Variants in TCF4 observed in about 807,000 individuals in gnomAD.
TCF4 encodes the protein SL3-3 enhancer factor 2.
TCF4 carries 3 observed loss-of-function variants against 82.1 expected under a neutral mutation model. The observed-to-expected ratio is 0.04, with a 90% confidence interval of 0.02 to 0.09. The LOEUF is 0.09. Ranked by LOEUF, TCF4 falls within the 10% of genes least tolerant of loss-of-function variation. The probability of loss-of-function intolerance (pLI) is 1.00; values close to 1 mark genes in which losing one functional copy is unlikely to be tolerated. For synonymous variants in TCF4, 276 were observed against 309.6 expected, an observed-to-expected ratio of 0.89 and a Z score of 1.14; for missense variants, 518 against 852.7, an observed-to-expected ratio of 0.61 and a Z score of 4.89.
At chr18:55,349,253 TAA>T (rs2081841358) in intron 8 of TCF4, among the ~76,000 whole-genome samples, 1 of 152,146 alleles carries the variant, frequency 6.6e-6, no homozygotes, top group Non-Finnish European at 1.5e-5. Context: ...TTTTTCCTGA[TAA>T]GACTTATTCT....
intron 6 of TCF4, among the ~76,000 whole-genome samples, chr18:55,379,856 T>G (rs942678124): frequency 5.3e-5 from 8 of 152,106 alleles, no homozygotes; most frequent in Non-Finnish European, 1.2e-4. Context: ...AATGGCTGGA[T>G]TCCAGACAAG....
chr18:55,376,507 A>G (rs1259158765), intron 6 of TCF4, among the ~76,000 whole-genome samples: 2 of 152,070 alleles, frequency 1.3e-5, no homozygotes, highest in African/African-American at 4.8e-5. Flanking sequence ...CTCCAACCCA[A>G]TTCTTCTTTT....
intron 8 of TCF4, among the ~76,000 whole-genome samples, chr18:55,303,318 T>A (rs73488999): frequency 1.7e-3 from 255 of 151,510 alleles, no homozygotes; most frequent in African/African-American, 6.1e-3. Context: ...TGAGTTTACC[T>A]GATGTAAAAT....
chr18:55,586,001 A>G, intron 2 of TCF4: 1 of 1,341,792 alleles, frequency 7.5e-7, no homozygotes, highest in Non-Finnish European at 9.7e-7. Flanking sequence ...TGCAAAAAGC[A>G]AAGGAACGAA....
At chr18:55,326,188 T>C (rs1330187328) in intron 8 of TCF4, among the ~76,000 whole-genome samples, 1 of 152,094 alleles carries the variant, frequency 6.6e-6, no homozygotes, top group Non-Finnish European at 1.5e-5. Context: ...TCTTGATGAG[T>C]AACCTTGCTG....
At chr18:55,626,224 A>G (rs1367452117) in intron 2 of TCF4, among the ~76,000 whole-genome samples, 1 of 152,216 alleles carries the variant, frequency 6.6e-6, no homozygotes, top group Non-Finnish European at 1.5e-5. Flanking sequence ...GTATTTTATC[A>G]CAACCACTAC....
At chr18:55,385,722 C>G (rs1353504319) in intron 6 of TCF4, among the ~76,000 whole-genome samples, 1 of 152,196 alleles carries the variant, frequency 6.6e-6, no homozygotes, top group African/African-American at 2.4e-5. Flanking sequence ...TAAAAGACCA[C>G]TGAAGACTAA....
At chr18:55,475,576 T>C (rs1319635465) in intron 3 of TCF4, among the ~76,000 whole-genome samples, 1 of 152,186 alleles carries the variant, frequency 6.6e-6, no homozygotes, top group Non-Finnish European at 1.5e-5. Flanking sequence ...TTGAAAAAAA[T>C]TAAAATACAA....
intron 5 of TCF4, among the ~76,000 whole-genome samples, chr18:55,459,339 T>C (rs1037521095): frequency 6.6e-6 from 1 of 152,226 alleles, no homozygotes; most frequent in Non-Finnish European, 1.5e-5. Context: ...AGAACAATCA[T>C]TTAATCTGTT....
intron 6 of TCF4, among the ~76,000 whole-genome samples, chr18:55,384,606 A>G (rs561604090): frequency 6.6e-6 from 1 of 152,370 alleles, no homozygotes; most frequent in South Asian, 2.1e-4. Flanking sequence ...ATTGATACTG[A>G]AAGAAGACAA....
At chr18:55,492,280 C>T (rs1445830068) in intron 3 of TCF4, 1 of 152,128 alleles carries the variant, frequency 6.6e-6, no homozygotes, top group Non-Finnish European at 1.5e-5. Context: ...GATTCTAGAA[C>T]CTTCTTATGT....
intron 15 of TCF4, among the ~76,000 whole-genome samples, chr18:55,243,783 G>C (rs1362061640): frequency 6.6e-6 from 1 of 152,084 alleles, no homozygotes; most frequent in Non-Finnish European, 1.5e-5. Context: ...TTTAGAGTCA[G>C]GTTGGAGAAC....
chr18:55,631,519 C>A (rs1395383204), intron 1 of TCF4: 2 of 820,652 alleles, frequency 2.4e-6, no homozygotes, highest in Non-Finnish European at 3.6e-6. Flanking sequence ...GGGATGAAGA[C>A]AAGTGCACAG....
chr18:55,474,350 G>A (rs755477366), intron 3 of TCF4, among the ~76,000 whole-genome samples: 3 of 152,110 alleles, frequency 2.0e-5, no homozygotes, highest in East Asian at 1.9e-4. Flanking sequence ...TTTGTGGTAC[G>A]AAAAAAATAT....
At chr18:55,366,310 T>C (rs985109901) in intron 6 of TCF4, among the ~76,000 whole-genome samples, 1 of 152,232 alleles carries the variant, frequency 6.6e-6, no homozygotes, top group Non-Finnish European at 1.5e-5. Context: ...AATATCTACG[T>C]ATCTATAATT....
At chr18:55,424,626 A>T (rs1231848679) in intron 5 of TCF4, among the ~76,000 whole-genome samples, 1 of 152,192 alleles carries the variant, frequency 6.6e-6, no homozygotes, top group African/African-American at 2.4e-5. Flanking sequence ...AGGATAATAC[A>T]CAGCACTGAG....
intron 15 of TCF4, among the ~76,000 whole-genome samples, chr18:55,253,080 A>G (rs2055727212): frequency 6.6e-6 from 1 of 152,210 alleles, no homozygotes; most frequent in African/African-American, 2.4e-5. Context: ...GCATTCAAAA[A>G]TATCTTTCCA....
intron 8 of TCF4, among the ~76,000 whole-genome samples, chr18:55,303,334 ATCGCTTTCCC>A (rs1013771006): frequency 6.6e-6 from 1 of 151,886 alleles, no homozygotes; most frequent in Non-Finnish European, 1.5e-5. Flanking sequence ...AAAATGCAGG[ATCGCTTTCCC>A]TCCTGAAAGT....
At chr18:55,485,209 A>T (rs1470677409) in intron 3 of TCF4, among the ~76,000 whole-genome samples, 1 of 152,172 alleles carries the variant, frequency 6.6e-6, no homozygotes, top group Non-Finnish European at 1.5e-5. Flanking sequence ...GAGGAAGGAA[A>T]CCACCAGAGA....
Sources: gnomAD v4.1 joint callset for allele counts (sites outside exome capture counted in the v4.1 genomes callset) on GRCh38, gnomAD v4.1.1 for gene constraint, MANE v1.5 for transcripts, NCBI Gene and HGNC (gene_info 2026-07-23, HGNC 2026-07-21) for gene names.